Variants in PCDH15 observed in about 807,000 individuals in gnomAD.
PCDH15 encodes the protein protocadherin related 15.
PCDH15 carries 129 observed loss-of-function variants against 178.5 expected under a neutral mutation model. That is an observed-to-expected ratio of 0.72 (90% CI 0.63 to 0.84). The LOEUF (loss-of-function observed/expected upper bound fraction) is 0.84. Ranked by LOEUF, PCDH15 falls within the 40% of genes least tolerant of loss-of-function variation. PCDH15 has a pLI of 0.00. For missense variants in PCDH15, 2,230 were observed against 2,099.9 expected, an observed-to-expected ratio of 1.06 and a Z score of -1.21; for synonymous variants, 800 against 732.0, an observed-to-expected ratio of 1.09 and a Z score of -1.50.
intron 2 of PCDH15, among the ~76,000 whole-genome samples, chr10:54,639,952 G>A (rs758983512): frequency 9.9e-5 from 15 of 152,128 alleles, no homozygotes; most frequent in Admixed American, 1.3e-4. Flanking sequence ...TGGTCATGGT[G>A]GTGCATGCCT....
At chr10:54,125,619 G>C (rs772643279) in intron 15 of PCDH15, among the ~76,000 whole-genome samples, 2 of 152,132 alleles carry the variant, frequency 1.3e-5, no homozygotes, top group Non-Finnish European at 2.9e-5. Context: ...ATAGTACAGA[G>C]AGTGTAGGGT....
At position 54,853,310 on chromosome 10, in the gene PCDH15, T is replaced by TACAC. The variant is rs1453779024; in HGVS notation, c.-29+44139_-29+44140insGTGT. Among the ~76,000 whole-genome samples the TACAC allele has an allele frequency of 2.9e-3, 285 of 99,146 alleles. 3 individuals carry two copies. The highest frequency in any genetic ancestry group is 0.01 in the African/African-American group (227 of 22,416). 65.0% of individuals were successfully genotyped at this position (99,146 alleles called of 152,430 possible). On this transcript the variant is annotated intron_variant, in intron 3 of 5. Transcript: ENST00000458638. ...GTGTGTATATATATATATATATATA[T>TACAC]ATATATATACATACACACACATATA...
chr10:54,230,494 C>G (rs972383593), intron 9 of PCDH15, among the ~76,000 whole-genome samples: 4 of 152,084 alleles, frequency 2.6e-5, no homozygotes, highest in South Asian at 4.1e-4. Context: ...AAATGTTGGG[C>G]CCATGAACAT....
intron 15 of PCDH15, among the ~76,000 whole-genome samples, chr10:54,105,618 A>G (rs2094904625): frequency 6.6e-6 from 1 of 152,032 alleles, no homozygotes; most frequent in South Asian, 2.1e-4. Flanking sequence ...GCCCACCCAG[A>G]TTAAGGGTGG....
chr10:55,338,918 G>A (rs967387300), intron 2 of PCDH15, among the ~76,000 whole-genome samples: 3 of 152,128 alleles, frequency 2.0e-5, no homozygotes, highest in African/African-American at 7.2e-5. Flanking sequence ...ACATGTGAAA[G>A]CTAAAAATAA....
Position 53,961,808 on chromosome 10 carries a change from A to T in PCDH15, c.2953T>A (p.Ser985Thr), listed in dbSNP as rs1564869422. The change falls in exon 22 of 38, where the codon TCT becomes ACT. Residue 985 changes from serine (S) to threonine (T), a missense_variant. By Grantham distance (58) the Ser-to-Thr change is moderately conservative (BLOSUM62 1). Coordinates refer to ENST00000644397, the MANE Select transcript of PCDH15 (RefSeq NM_001384140.1). ...TTGACTCGTGTTATTACTCTTCCAG[A>T]ATCTTCTTCCACTTCAAAAATACTG... ...PASIFEVEED[S>T]GRVITRVNLN... 1.2e-6 allele frequency: 2 copies of T among 1,612,020 alleles called. No homozygotes were observed. The highest frequency in any genetic ancestry group is 1.7e-6 in the Non-Finnish European group (2 of 1,178,564).
chr10:54,891,356 C>T (rs1218945721), intron 3 of PCDH15, among the ~76,000 whole-genome samples: 1 of 152,098 alleles, frequency 6.6e-6, no homozygotes, highest in Non-Finnish European at 1.5e-5. Flanking sequence ...AGAGCATTTT[C>T]TGGCCTTCAG....
chr10:55,431,996 T>A (rs973331196), intron 2 of PCDH15, among the ~76,000 whole-genome samples: 3 of 152,026 alleles, frequency 2.0e-5, no homozygotes, highest in Non-Finnish European at 2.9e-5. Flanking sequence ...AACATTTTCA[T>A]GCACATATGT....
At chr10:54,291,452 A>G (rs2059396426) in intron 8 of PCDH15, among the ~76,000 whole-genome samples, 1 of 152,214 alleles carries the variant, frequency 6.6e-6, no homozygotes, top group East Asian at 1.9e-4. Flanking sequence ...AGCTAGCAGA[A>G]GGCAAGAAAT....
At chr10:55,031,672 A>G (rs1213300611) in intron 2 of PCDH15, among the ~76,000 whole-genome samples, 2 of 152,162 alleles carry the variant, frequency 1.3e-5, no homozygotes, top group African/African-American at 4.8e-5. Context: ...TTGGGCCATA[A>G]GGCCCAATTG....
intron 2 of PCDH15, among the ~76,000 whole-genome samples, chr10:55,028,352 T>C (rs1025389876): frequency 6.6e-6 from 1 of 151,790 alleles, no homozygotes; most frequent in African/African-American, 2.4e-5. Flanking sequence ...TTTCAAAGGA[T>C]GAATGACTCT....
intron 26 of PCDH15, among the ~76,000 whole-genome samples, chr10:53,896,507 G>C (rs2081962628): frequency 2.6e-5 from 4 of 152,102 alleles, no homozygotes; most frequent in Non-Finnish European, 4.4e-5. Context: ...CTTGTTGCAG[G>C]AGTCTGCTAT....
intron 13 of PCDH15, among the ~76,000 whole-genome samples, chr10:54,165,001 A>C (rs577520180): frequency 6.6e-6 from 1 of 152,302 alleles, no homozygotes; most frequent in South Asian, 2.1e-4. Context: ...TTCACTATTC[A>C]GTGTGATTTC....
chr10:55,238,062 T>C (rs181247091), intron 1 of PCDH15, among the ~76,000 whole-genome samples: 2 of 151,950 alleles, frequency 1.3e-5, no homozygotes, highest in South Asian at 2.1e-4. Context: ...TTAAAAATTA[T>C]ATACGTGATT....
At chr10:55,497,139 T>G (rs1840552397) in intron 2 of PCDH15, among the ~76,000 whole-genome samples, 1 of 151,778 alleles carries the variant, frequency 6.6e-6, no homozygotes, top group Admixed American at 6.6e-5. Flanking sequence ...TACATGTAAT[T>G]TTTTCTTTGA....
intron 1 of PCDH15, among the ~76,000 whole-genome samples, chr10:55,314,080 A>G (rs889509526): frequency 6.6e-5 from 10 of 151,612 alleles, no homozygotes; most frequent in Non-Finnish European, 1.3e-4. Flanking sequence ...GCAGATATAG[A>G]TTTGAACCCA....
At chr10:54,994,817 GC>G (rs199723375) in intron 2 of PCDH15, among the ~76,000 whole-genome samples, 2,968 of 152,204 alleles carry the variant, frequency 0.02, 39 homozygotes, top group African/African-American at 0.024. Flanking sequence ...TTTGCTATTT[GC>G]GCTTCTTCTA....
intron 3 of PCDH15, among the ~76,000 whole-genome samples, chr10:54,860,219 G>C (rs996372595): frequency 9.2e-5 from 14 of 152,022 alleles, no homozygotes; most frequent in South Asian, 4.1e-4. Flanking sequence ...GCATTGCTGA[G>C]GATTGTGGTA....
chr10:55,488,965 T>C (rs535982903), intron 2 of PCDH15, among the ~76,000 whole-genome samples: 35 of 151,576 alleles, frequency 2.3e-4, no homozygotes, highest in Non-Finnish European at 4.1e-4. Flanking sequence ...TTCAAGAAGT[T>C]TAGTACCACC....
Sources: allele counts gnomAD v4.1 joint callset (sites outside exome capture counted in the v4.1 genomes callset), GRCh38; gene constraint gnomAD v4.1.1; transcripts MANE v1.5; gene names NCBI Gene and HGNC (gene_info 2026-07-23, HGNC 2026-07-21).